The following C8orf34 variants were observed in gnomAD, a reference collection of about 807,000 sequenced individuals.
The protein encoded by C8orf34 is chromosome 8 open reading frame 34.
Under a neutral mutation model 68.3 loss-of-function variants are expected in C8orf34, and 65 were observed. The observed-to-expected ratio is 0.95, with a 90% CI of 0.78 to 1.17. The LOEUF is 1.17. Among genes scored for constraint, C8orf34 ranks in the 50% most tolerant of loss-of-function variants. C8orf34 has a pLI of 0.00. For synonymous variants in C8orf34, 244 were observed against 241.2 expected, an observed-to-expected ratio of 1.01 and a Z score of -0.11; for missense variants, 664 against 655.4, an observed-to-expected ratio of 1.01 and a Z score of -0.14.
At chr8:68,532,323 T>A (rs938103420) in intron 6 of C8orf34, among the ~76,000 whole-genome samples, 6 of 152,148 alleles carry the variant, frequency 3.9e-5, no homozygotes, top group African/African-American at 1.4e-4. Flanking sequence ...GGGTCCAAAA[T>A]GGAAGTAAGG....
At chr8:68,560,247 T>C (rs1022121351) in intron 7 of C8orf34, among the ~76,000 whole-genome samples, 1 of 151,638 alleles carries the variant, frequency 6.6e-6, no homozygotes, top group African/African-American at 2.4e-5. Flanking sequence ...TTCACACACA[T>C]GCAGTAGGGA....
intron 5 of C8orf34, among the ~76,000 whole-genome samples, chr8:68,495,354 T>C (rs1048262491): frequency 6.6e-6 from 1 of 152,046 alleles, no homozygotes; most frequent in Non-Finnish European, 1.5e-5. Flanking sequence ...TTTATATAGA[T>C]TATGCCATTT....
chr8:68,631,744 G>T (rs1246540025), intron 7 of C8orf34, among the ~76,000 whole-genome samples: 2 of 152,056 alleles, frequency 1.3e-5, no homozygotes, highest in African/African-American at 2.4e-5. Flanking sequence ...GAGTTCTCTG[G>T]AGATCTGATG....
intron 10 of C8orf34, among the ~76,000 whole-genome samples, chr8:68,728,371 C>T (rs1821890915): frequency 6.6e-6 from 1 of 152,162 alleles, no homozygotes; most frequent in Non-Finnish European, 1.5e-5. Flanking sequence ...CCAAACTTTC[C>T]CACATTTTCC....
At chr8:68,760,266 C>T (rs1164242382) in intron 10 of C8orf34, among the ~76,000 whole-genome samples, 3 of 152,116 alleles carry the variant, frequency 2.0e-5, no homozygotes, top group Non-Finnish European at 4.4e-5. Flanking sequence ...ATCATTTCTC[C>T]AGTGCCTAGC....
chr8:68,463,568 C>A (rs1158525121), intron 3 of C8orf34, among the ~76,000 whole-genome samples: 1 of 152,168 alleles, frequency 6.6e-6, no homozygotes, highest in Non-Finnish European at 1.5e-5. Context: ...CTGAATCCAG[C>A]AGCATATCAA....
intron 3 of C8orf34, among the ~76,000 whole-genome samples, chr8:68,460,701 A>G (rs1338891442): frequency 2.0e-5 from 3 of 152,216 alleles, no homozygotes; most frequent in Admixed American, 2.0e-4. Flanking sequence ...GTGGACCTCT[A>G]GCAAACTCCA....
In C8orf34 at chr8:68,644,342, G is replaced by T. The variant is rs190881968; in HGVS notation, c.1241+3831G>T. Among the ~76,000 whole-genome samples the T allele has an allele frequency of 1.3e-3, 199 of 152,246 alleles. 1 individual carries two copies. Among genetic ancestry groups the T allele is most frequent in the Admixed American group, 0.012 (179 of 15,290 alleles). ...TGATAGTTTGTGAGAAAGTTTACCT[G>T]GGCATGGTGTCAATTCCTAGTCTCC... On this transcript the variant is annotated intron_variant, in intron 8 of 13. Transcript: ENST00000518698.
rs538551547 is a variant in C8orf34 at position 68,760,069 on chromosome 8, A to G, written c.1405-16330A>G. Among the ~76,000 whole-genome samples, 3 of 152,194 alleles carry G rather than the reference A, an allele frequency of 2.0e-5. No homozygotes were observed. The South Asian group carries it at 6.2e-4, about 32-fold the overall frequency. On this transcript the variant is annotated intron_variant, in intron 10 of 13. Coordinates refer to ENST00000518698, the MANE Select transcript of C8orf34 (RefSeq NM_052958.4). ...GCACACAAAGTAGGCTGCAGGGTGG[A>G]GCATGATCAGAAATAGCTTCCTGGA...
intron 1 of C8orf34, among the ~76,000 whole-genome samples, chr8:68,356,988 C>A (rs903793088): frequency 4.6e-5 from 7 of 151,948 alleles, no homozygotes; most frequent in Non-Finnish European, 2.9e-5. Context: ...TATATCTATT[C>A]GTATGAAGTG....
At chr8:68,543,913 C>A (rs1815783183) in intron 7 of C8orf34, among the ~76,000 whole-genome samples, 1 of 152,054 alleles carries the variant, frequency 6.6e-6, no homozygotes, top group Non-Finnish European at 1.5e-5. Flanking sequence ...GTGTTTGGTT[C>A]TTGAGAGTAG....
At chr8:68,718,814 G>A (rs184498567) in intron 9 of C8orf34, among the ~76,000 whole-genome samples, 1 of 152,178 alleles carries the variant, frequency 6.6e-6, no homozygotes, top group African/African-American at 2.4e-5. Flanking sequence ...CAACCACACA[G>A]GCTGAATTTC....
At chr8:68,607,014 A>G (rs1817872909) in intron 7 of C8orf34, among the ~76,000 whole-genome samples, 1 of 152,168 alleles carries the variant, frequency 6.6e-6, no homozygotes, top group Non-Finnish European at 1.5e-5. Flanking sequence ...CATACTACAT[A>G]TCTCCAGATG....
At chr8:68,626,176 C>A (rs1425804529) in intron 7 of C8orf34, among the ~76,000 whole-genome samples, 2 of 151,888 alleles carry the variant, frequency 1.3e-5, no homozygotes, top group Non-Finnish European at 2.9e-5. Flanking sequence ...AAGAGGTATG[C>A]AAAATTAAGG....
chr8:68,417,756 A>T (rs1387255290), intron 1 of C8orf34, among the ~76,000 whole-genome samples: 1 of 152,134 alleles, frequency 6.6e-6, no homozygotes, highest in Non-Finnish European at 1.5e-5. Context: ...CTTTTGGCTT[A>T]GGATTGACTT....
chr8:68,752,398 G>C (rs1008275180), intron 10 of C8orf34, among the ~76,000 whole-genome samples: 2 of 152,154 alleles, frequency 1.3e-5, no homozygotes, highest in Non-Finnish European at 1.5e-5. Flanking sequence ...TACTGTGCTG[G>C]AACCAGGCGG....
chr8:68,593,318 T>G (rs1171171417), intron 7 of C8orf34, among the ~76,000 whole-genome samples: 1 of 152,140 alleles, frequency 6.6e-6, no homozygotes, highest in Non-Finnish European at 1.5e-5. Flanking sequence ...TTTATATCTA[T>G]ATGTGAAAGA....
chr8:68,599,662 T>G (rs1489808984), intron 7 of C8orf34, among the ~76,000 whole-genome samples: 1 of 152,028 alleles, frequency 6.6e-6, no homozygotes, highest in Non-Finnish European at 1.5e-5. Flanking sequence ...TACCCCCAGA[T>G]ATAAATGCTA....
chr8:68,692,040 G>A (rs936793757), intron 8 of C8orf34, among the ~76,000 whole-genome samples: 1 of 151,996 alleles, frequency 6.6e-6, no homozygotes, highest in Non-Finnish European at 1.5e-5. Flanking sequence ...GGAGGGTTAT[G>A]TAGCAAAAAA....
Sources: gnomAD v4.1 joint callset for allele counts (sites outside exome capture counted in the v4.1 genomes callset) on GRCh38, gnomAD v4.1.1 for gene constraint, MANE v1.5 for transcripts, NCBI Gene and HGNC (gene_info 2026-07-23, HGNC 2026-07-21) for gene names.